Variants in PITPNC1 observed in about 807,000 individuals in gnomAD.
The protein encoded by PITPNC1 is phosphatidylinositol transfer protein cytoplasmic 1.
PITPNC1 carries 18 observed loss-of-function variants against 44.7 expected under a neutral mutation model. The ratio of observed to expected loss-of-function variants is 0.40; its 90% confidence interval spans 0.28 to 0.60. The LOEUF is 0.60. PITPNC1 is among the 20% of genes least tolerant of loss of function. The pLI, the probability that PITPNC1 is intolerant of heterozygous loss-of-function variation, is 0.39. For missense variants in PITPNC1, 290 were observed against 418.4 expected (o/e 0.69, Z 2.68); for synonymous variants, 141 against 149.6 (o/e 0.94, Z 0.42).
At chr17:67,632,492 C>T (rs531689804) in intron 6 of PITPNC1, 113 of 516,666 alleles carry the variant, frequency 2.2e-4, no homozygotes, top group African/African-American at 2.1e-3. Flanking sequence ...TTTTTGGCAA[C>T]GTCAGTATCC....
intron 6 of PITPNC1, among the ~76,000 whole-genome samples, chr17:67,669,142 T>C (rs1005404481): frequency 9.9e-5 from 15 of 152,170 alleles, no homozygotes; most frequent in Middle Eastern, 3.4e-3. Context: ...GTTTCGCTCT[T>C]GTTACCTAGG....
At chr17:67,459,116 T>TTTC (rs2039299354) in intron 1 of PITPNC1, among the ~76,000 whole-genome samples, 1 of 137,868 alleles carries the variant, frequency 7.3e-6, no homozygotes, top group African/African-American at 3.0e-5. Flanking sequence ...TCTTTTTCTT[T>TTTC]TTTTTTTTTT....
chr17:67,488,144 A>G (rs1298216285), intron 1 of PITPNC1, among the ~76,000 whole-genome samples: 1 of 152,268 alleles, frequency 6.6e-6, no homozygotes. Context: ...CTTTAAAAAT[A>G]CATTGAGTCA....
chr17:67,379,253 C>T (rs2037921478), intron 1 of PITPNC1: 3 of 985,550 alleles, frequency 3.0e-6, no homozygotes, highest in African/African-American at 1.7e-5. Context: ...AATCTGGTGC[C>T]TCGAAACTAT....
intron 8 of PITPNC1, among the ~76,000 whole-genome samples, chr17:67,686,012 G>A (rs955032557): frequency 1.3e-5 from 2 of 151,626 alleles, no homozygotes; most frequent in Non-Finnish European, 1.5e-5. Flanking sequence ...TGTATTTTTA[G>A]TAGAGACGGT....
At chr17:67,419,853 C>T (rs956956581) in intron 1 of PITPNC1, among the ~76,000 whole-genome samples, 1 of 151,940 alleles carries the variant, frequency 6.6e-6, no homozygotes, top group Non-Finnish European at 1.5e-5. Context: ...TTGCAGTGAG[C>T]CGAGACTGTG....
At chr17:67,528,709 T>C (rs889925580) in intron 1 of PITPNC1, among the ~76,000 whole-genome samples, 2 of 152,236 alleles carry the variant, frequency 1.3e-5, no homozygotes, top group Non-Finnish European at 2.9e-5. Flanking sequence ...TCAGCATTTA[T>C]GTGCATTTCT....
In PITPNC1 at chr17:67,657,447, C is replaced by G. The variant is rs143542485; in HGVS notation, c.463-12061C>G. ...TGGCACTGGGCTATAACAAAAACAC[C>G]CTTTTTCTGTTTAATATTAAAAGTA... On this transcript the variant is annotated intron_variant, in intron 6 of 8. Coordinates refer to ENST00000581322, the MANE Select transcript of PITPNC1 (RefSeq NM_012417.4). 2.7e-4 allele frequency among the ~76,000 whole-genome samples: 41 copies of G among 152,090 alleles called. No individual in the cohort carries two copies. The East Asian group carries it at 6.2e-3, about 23-fold the overall frequency.
chr17:67,412,999 C>T (rs866269422), intron 1 of PITPNC1, among the ~76,000 whole-genome samples: 21 of 152,210 alleles, frequency 1.4e-4, no homozygotes, highest in South Asian at 4.1e-4. Context: ...ATAATACCTT[C>T]GGTGTTTTTG....
intron 6 of PITPNC1, among the ~76,000 whole-genome samples, chr17:67,641,661 A>G (rs1017146374): frequency 2.6e-5 from 4 of 151,908 alleles, no homozygotes; most frequent in African/African-American, 2.4e-5. Context: ...GCCGGGTGTG[A>G]TGGCACATGC....
At chr17:67,424,302 C>A (rs946298137) in intron 1 of PITPNC1, among the ~76,000 whole-genome samples, 5 of 152,092 alleles carry the variant, frequency 3.3e-5, no homozygotes, top group Admixed American at 2.0e-4. Context: ...GATGTAGGCA[C>A]TATGTCACCA....
chr17:67,682,002 A>G (rs1364302952), intron 8 of PITPNC1, among the ~76,000 whole-genome samples: 1 of 152,102 alleles, frequency 6.6e-6, no homozygotes, highest in East Asian at 1.9e-4. Flanking sequence ...GTTCAAGACC[A>G]GCCTGGACAA....
At chr17:67,499,204 A>G (rs2039996772) in intron 1 of PITPNC1, among the ~76,000 whole-genome samples, 1 of 151,232 alleles carries the variant, frequency 6.6e-6, no homozygotes, top group East Asian at 2.0e-4. Flanking sequence ...TATCTATTCA[A>G]GTCCTTTGCC....
At chr17:67,445,985 C>T (rs1006270721) in intron 1 of PITPNC1, among the ~76,000 whole-genome samples, 7 of 151,670 alleles carry the variant, frequency 4.6e-5, no homozygotes, top group Non-Finnish European at 1.0e-4. Flanking sequence ...CTCACTCTGT[C>T]GCCCAGGCTG....
intron 5 of PITPNC1, chr17:67,612,874 C>T (rs986947872): frequency 2.0e-5 from 3 of 152,246 alleles, no homozygotes; most frequent in Non-Finnish European, 4.4e-5. Flanking sequence ...AACTTCATGT[C>T]TGACCACATG....
At chr17:67,476,928 A>G (rs2144019006) in intron 1 of PITPNC1, among the ~76,000 whole-genome samples, 1 of 152,320 alleles carries the variant, frequency 6.6e-6, no homozygotes, top group African/African-American at 2.4e-5. Flanking sequence ...TTAGAAATGC[A>G]GAGTCTCAGG....
chr17:67,401,938 T>C (rs1039793102), intron 1 of PITPNC1, among the ~76,000 whole-genome samples: 1 of 152,244 alleles, frequency 6.6e-6, no homozygotes, highest in Non-Finnish European at 1.5e-5. Flanking sequence ...TCAGATTGAA[T>C]TTATGAAATG....
At chr17:67,442,861 A>G (rs1268803437) in intron 1 of PITPNC1, among the ~76,000 whole-genome samples, 2 of 151,866 alleles carry the variant, frequency 1.3e-5, no homozygotes, top group African/African-American at 2.4e-5. Context: ...TCCCAGAAAA[A>G]CTAAAAAAAA....
intron 1 of PITPNC1, among the ~76,000 whole-genome samples, chr17:67,400,891 G>A (rs1339063703): frequency 6.6e-6 from 1 of 151,658 alleles, no homozygotes; most frequent in Non-Finnish European, 1.5e-5. Context: ...TGTTCGTTAC[G>A]CTTTCACCTG....
Sources: allele counts gnomAD v4.1 joint callset (sites outside exome capture counted in the v4.1 genomes callset), GRCh38; gene constraint gnomAD v4.1.1; transcripts MANE v1.5; gene names NCBI Gene and HGNC (gene_info 2026-07-23, HGNC 2026-07-21).